SHANK2: variants seen among roughly 807,000 people sequenced by gnomAD.
SHANK2 encodes SH3 and multiple ankyrin repeat domains 2.
In SHANK2, 43 loss-of-function variants were observed where a neutral mutation model predicts 133.7. The ratio of observed to expected loss-of-function variants is 0.32; its 90% CI spans 0.25 to 0.41. The LOEUF (loss-of-function observed/expected upper bound fraction) is 0.41. Among genes scored for constraint, SHANK2 ranks in the 10% least tolerant of loss-of-function variants. The pLI is 1.00. For synonymous variants in SHANK2, 1,017 were observed against 952.8 expected (o/e 1.07, Z -1.24); for missense variants, 1,994 against 2,235.8 (o/e 0.89, Z 2.18).
At chr11:71,074,152 G>T (rs1388635016) in intron 9 of SHANK2, among the ~76,000 whole-genome samples, 6 of 152,178 alleles carry the variant, frequency 3.9e-5, no homozygotes, top group Non-Finnish European at 8.8e-5. Flanking sequence ...GAGGCAGCAG[G>T]TGAGGATGAC....
At chr11:70,743,254 C>A (rs569466543) in intron 14 of SHANK2, among the ~76,000 whole-genome samples, 1 of 152,350 alleles carries the variant, frequency 6.6e-6, no homozygotes, top group African/African-American at 2.4e-5. Context: ...GCGTGCCCCC[C>A]CCAGTTCATA....
chr11:70,843,449 C>T (rs1948946425), intron 11 of SHANK2, among the ~76,000 whole-genome samples: 1 of 151,824 alleles, frequency 6.6e-6, no homozygotes. Flanking sequence ...TTGTGAGGTC[C>T]TGACTCCTAG....
intron 17 of SHANK2, among the ~76,000 whole-genome samples, chr11:70,523,126 A>C (rs1554971394): frequency 6.6e-6 from 1 of 152,130 alleles, no homozygotes; most frequent in African/African-American, 2.4e-5. Flanking sequence ...CCGAGCATCA[A>C]AGCACGCGGG....
chr11:70,688,342 A>C (rs1236915756), intron 15 of SHANK2, among the ~76,000 whole-genome samples: 1 of 152,150 alleles, frequency 6.6e-6, no homozygotes, highest in African/African-American at 2.4e-5. Flanking sequence ...AAAGTCCCCA[A>C]GTCAGGTGCT....
chr11:70,664,594 G>A (rs546501573), intron 15 of SHANK2, among the ~76,000 whole-genome samples: 1 of 152,334 alleles, frequency 6.6e-6, no homozygotes, highest in South Asian at 2.1e-4. Flanking sequence ...CCTGTCATGC[G>A]CTCCAGGCGT....
rs146332040 is a variant in SHANK2 at position 70,487,472 on chromosome 11, C to T, written c.2821G>A (p.Val941Met). ...KVSPATRSDT[V>M]ATMMREKGMY... is the part of the protein sequence containing the mutation. ...CCCTTCTCCCTCATCATGGTGGCCA[C>T]GGTGTCGGACCTGGTGGCGGGGGAC... Residue 941 changes from valine (V) to methionine (M), a missense_variant, in exon 25 of 26, where the codon GTG becomes ATG. Transcript: ENST00000601538. The surrounding 1 kb of genome is among the most constrained non-coding windows in gnomAD (Gnocchi z 5.8). 1.9e-6 allele frequency: 3 copies of T among 1,614,020 alleles called. No individual in the cohort carries two copies. Among genetic ancestry groups the T allele is most frequent in the South Asian group, 1.1e-5 (1 of 91,070 alleles).
chr11:70,766,417 T>C (rs1326411406), intron 14 of SHANK2, among the ~76,000 whole-genome samples: 1 of 152,222 alleles, frequency 6.6e-6, no homozygotes, highest in African/African-American at 2.4e-5. Flanking sequence ...ACGTCTTGGA[T>C]AATCTGGCTG....
Position 70,486,198 on chromosome 11 carries a change from G to A in SHANK2, c.4095C>T (p.Pro1365=). The A allele has an allele frequency of 2.5e-6, 4 of 1,613,342 alleles. No homozygotes were observed. Among genetic ancestry groups the A allele is most frequent in the East Asian group, 2.2e-5 (1 of 44,860 alleles). Reference sequence around the variant, plus strand: ...TTCTGCCGGGCACGGTGGTGGGCTCGGGGGCAGCGGAGATCTGTAAAGCAC... The same window carrying A: ...TTCTGCCGGGCACGGTGGTGGGCTCAGGGGCAGCGGAGATCTGTAAAGCAC... ...TEGALQISAA[P]EPTTVPGRTI... Residue 1365 remains proline (P), a synonymous_variant, in exon 25 of 26, where the codon CCC becomes CCT. Transcript: ENST00000601538. The surrounding 1 kb of genome is among the most constrained non-coding windows in gnomAD (Gnocchi z 8.0).
Position 70,752,217 on chromosome 11 carries a change from T to C in SHANK2, c.1777+46226A>G, listed in dbSNP as rs890087695. Among the ~76,000 whole-genome samples, 23 of 152,220 alleles carry C rather than the reference T, an allele frequency of 1.5e-4. No individual in the cohort carries two copies. The South Asian group carries it at 1.7e-3, about 11-fold the overall frequency. Reference sequence around the variant, plus strand: ...CTCCCCCCTTGGCCTCCCAATCAGATGGACTTTCAGAAAACTAACCAATGA... The same window carrying C: ...CTCCCCCCTTGGCCTCCCAATCAGACGGACTTTCAGAAAACTAACCAATGA... On this transcript the variant is annotated intron_variant, in intron 14 of 25. Coordinates refer to ENST00000601538, the MANE Select transcript of SHANK2 (RefSeq NM_012309.5).
intron 2 of SHANK2, among the ~76,000 whole-genome samples, chr11:71,187,228 C>A (rs1233222298): frequency 3.9e-5 from 6 of 152,206 alleles, no homozygotes; most frequent in Non-Finnish European, 8.8e-5. Flanking sequence ...GAATGGCACA[C>A]TCAGGAAAAT....
chr11:70,922,237 G>A (rs1950362422), intron 10 of SHANK2, among the ~76,000 whole-genome samples: 2 of 152,162 alleles, frequency 1.3e-5, no homozygotes, highest in Admixed American at 6.5e-5. Context: ...CTGAAGCACA[G>A]AGAGAAGGAC....
At chr11:70,729,430 T>C (rs1946237797) in intron 14 of SHANK2, among the ~76,000 whole-genome samples, 1 of 151,948 alleles carries the variant, frequency 6.6e-6, no homozygotes, top group Non-Finnish European at 1.5e-5. Flanking sequence ...GGGGCTTCCT[T>C]TTGGGATCTA....
At chr11:70,645,406 C>T (rs1414646821) in intron 17 of SHANK2, among the ~76,000 whole-genome samples, 1 of 151,780 alleles carries the variant, frequency 6.6e-6, no homozygotes, top group African/African-American at 2.4e-5. Flanking sequence ...TCTCCAGGAA[C>T]AACAACAACA....
intron 11 of SHANK2, among the ~76,000 whole-genome samples, chr11:70,844,506 G>A (rs143018105): frequency 6.6e-6 from 1 of 152,324 alleles, no homozygotes; most frequent in African/African-American, 2.4e-5. Flanking sequence ...CCGCAGTGGA[G>A]GAGTTGGAAA....
chr11:70,790,144 T>G (rs938048680), intron 14 of SHANK2, among the ~76,000 whole-genome samples: 1 of 152,244 alleles, frequency 6.6e-6, no homozygotes, highest in Non-Finnish European at 1.5e-5. Context: ...GCACCCCTGA[T>G]TTCAATGTGT....
intron 17 of SHANK2, among the ~76,000 whole-genome samples, chr11:70,600,700 T>C (rs1181817123): frequency 6.6e-6 from 1 of 152,156 alleles, no homozygotes; most frequent in Non-Finnish European, 1.5e-5. Context: ...AAGTGTTTTA[T>C]TCCACCAATG....
At chr11:70,789,504 T>G (rs1403282028) in intron 14 of SHANK2, among the ~76,000 whole-genome samples, 2 of 152,150 alleles carry the variant, frequency 1.3e-5, no homozygotes, top group African/African-American at 2.4e-5. Context: ...TCGAGACCCC[T>G]GCACCAGGGA....
chr11:71,192,141 G>A (rs540066616), intron 2 of SHANK2, among the ~76,000 whole-genome samples: 106 of 152,282 alleles, frequency 7.0e-4, no homozygotes, highest in African/African-American at 2.4e-3. Context: ...GATTACAGGC[G>A]TGAGCCACCA....
Position 70,896,073 on chromosome 11 carries a change from G to T in SHANK2, c.1174+428C>A, listed in dbSNP as rs79349078. 1.2e-4 allele frequency among the ~76,000 whole-genome samples: 18 copies of T among 152,236 alleles called. No individual in the cohort carries two copies. The East Asian group carries it at 3.5e-3, about 29-fold the overall frequency. On this transcript the variant is annotated intron_variant, in intron 11 of 25. Coordinates refer to ENST00000601538, the MANE Select transcript of SHANK2 (RefSeq NM_012309.5). ...ACATTCTACCAGTTTGGACAAATGC[G>T]TAACGACATGTATCAATTTTTATCA...
Sources: gnomAD v4.1 joint callset for allele counts (sites outside exome capture counted in the v4.1 genomes callset) on GRCh38, gnomAD v4.1.1 for gene constraint, Gnocchi (gnomAD v3.1) non-coding constraint, MANE v1.5 for transcripts, NCBI Gene and HGNC (gene_info 2026-07-23, HGNC 2026-07-21) for gene names.